CADPS2: variants seen among roughly 807,000 people sequenced by gnomAD.
The protein encoded by CADPS2 is calcium-dependent secretion activator 2.
A neutral mutation model predicts 172.5 loss-of-function variants in CADPS2; 93 were observed. The observed-to-expected ratio is 0.54, with a 90% CI of 0.46 to 0.64. The LOEUF (loss-of-function observed/expected upper bound fraction) is 0.64. Ranked by LOEUF, CADPS2 falls within the 30% of genes least tolerant of loss-of-function variation. The pLI is 0.00. For missense variants in CADPS2, 1,420 were observed against 1,565.9 expected, an observed-to-expected ratio of 0.91 and a Z score of 1.57; for synonymous variants, 546 against 555.2, an observed-to-expected ratio of 0.98 and a Z score of 0.23.
chr7:122,408,214 G>T, intron 19 of CADPS2, among the ~76,000 whole-genome samples: 1 of 150,444 alleles, frequency 6.6e-6, no homozygotes, highest in African/African-American at 2.4e-5. Context: ...CTATTAAAAT[G>T]GCTGTTTTCA....
intron 7 of CADPS2, among the ~76,000 whole-genome samples, chr7:122,564,583 A>G (rs1014968603): frequency 4.6e-5 from 7 of 152,144 alleles, no homozygotes; most frequent in Admixed American, 4.6e-4. Context: ...CTGGGATTAC[A>G]GGTGTGAGCC....
chr7:122,374,034 C>T (rs1416840211), intron 25 of CADPS2, among the ~76,000 whole-genome samples: 3 of 152,072 alleles, frequency 2.0e-5, no homozygotes, highest in African/African-American at 7.2e-5. Flanking sequence ...TTCAACAGCA[C>T]ATTAAAAAAT....
At chr7:122,722,839 T>G (rs556180328) in intron 2 of CADPS2, among the ~76,000 whole-genome samples, 1 of 151,558 alleles carries the variant, frequency 6.6e-6, no homozygotes, top group South Asian at 2.1e-4. Flanking sequence ...GAGATATAGA[T>G]CAATGGAACA....
intron 1 of CADPS2, among the ~76,000 whole-genome samples, chr7:122,753,538 T>G (rs750824481): frequency 7.2e-5 from 11 of 152,172 alleles, no homozygotes; most frequent in Non-Finnish European, 1.2e-4. Context: ...AAACCTAACC[T>G]TAAATAATGG....
chr7:122,513,992 T>C lies in CADPS2; in HGVS notation c.1476-677A>G, dbSNP rs561526474. On this transcript the variant is annotated intron_variant, in intron 8 of 29. Coordinates refer to ENST00000449022, the MANE Select transcript of CADPS2 (RefSeq NM_017954.11). ...ACCATGGCTTTTCTTCAACTTTGCA[T>C]TGACCTTAGTAAGCTGAATTGAAAT... Among the ~76,000 whole-genome samples, 10 of 152,296 alleles carry C rather than the reference T, an allele frequency of 6.6e-5. No homozygotes were observed. The South Asian group carries it at 1.0e-3, about 16-fold the overall frequency.
chr7:122,525,564 T>C (rs532614591), intron 8 of CADPS2, among the ~76,000 whole-genome samples: 54 of 152,166 alleles, frequency 3.5e-4, no homozygotes, highest in Non-Finnish European at 6.5e-4. Context: ...TTGGCTTCAG[T>C]GTCTCAGTCC....
intron 1 of CADPS2, among the ~76,000 whole-genome samples, chr7:122,830,672 GAACA>G (rs1206480018): frequency 6.6e-6 from 1 of 152,122 alleles, no homozygotes; most frequent in Non-Finnish European, 1.5e-5. Flanking sequence ...GTTATTCTGA[GAACA>G]AACATGAAAA....
intron 1 of CADPS2, among the ~76,000 whole-genome samples, chr7:122,822,213 G>C (rs948604533): frequency 6.6e-6 from 1 of 151,490 alleles, no homozygotes; most frequent in Non-Finnish European, 1.5e-5. Context: ...CAGATATCCT[G>C]AGTCGTCCCA....
intron 28 of CADPS2, among the ~76,000 whole-genome samples, chr7:122,328,930 G>T (rs974784482): frequency 1.3e-5 from 2 of 152,100 alleles, no homozygotes; most frequent in Non-Finnish European, 2.9e-5. Flanking sequence ...TTTAAGGTGA[G>T]GTTTTCAAAC....
At chr7:122,321,037 C>A (rs893130718) in intron 29 of CADPS2, among the ~76,000 whole-genome samples, 3 of 152,114 alleles carry the variant, frequency 2.0e-5, no homozygotes, top group Admixed American at 1.3e-4. Context: ...TATTATGTAT[C>A]AAAAATAGAG....
At chr7:122,441,674 G>A in intron 15 of CADPS2, 99 bp from the exon 16 acceptor site, 1 of 669,244 alleles carries the variant, frequency 1.5e-6, no homozygotes, top group South Asian at 2.8e-5. Context: ...GAAGAACCAT[G>A]AAACAAACAG....
At position 122,569,109 on chromosome 7, in the gene CADPS2, C is replaced by T. The variant is rs567090213; in HGVS notation, c.1335+12070G>A. Among the ~76,000 whole-genome samples the T allele has an allele frequency of 2.2e-3, 330 of 152,244 alleles. 1 individual carries two copies. Among genetic ancestry groups the T allele is most frequent in the African/African-American group, 7.6e-3 (317 of 41,538 alleles). On this transcript the variant is annotated intron_variant, in intron 7 of 29. Coordinates refer to ENST00000449022, the MANE Select transcript of CADPS2 (RefSeq NM_017954.11). Reference sequence around the variant, plus strand: ...TCAAATTGTCCCTGTTTGCAGACGACATGATTGTATATCTAGAAAACCCCA... The same window carrying T: ...TCAAATTGTCCCTGTTTGCAGACGATATGATTGTATATCTAGAAAACCCCA...
At chr7:122,468,870 T>C (rs1207331546) in intron 14 of CADPS2, among the ~76,000 whole-genome samples, 1 of 152,174 alleles carries the variant, frequency 6.6e-6, no homozygotes, top group Non-Finnish European at 1.5e-5. Flanking sequence ...AGGCTCAAAT[T>C]TCCCTCAACC....
At chr7:122,833,972 G>C (rs1279375590) in intron 1 of CADPS2, among the ~76,000 whole-genome samples, 1 of 152,154 alleles carries the variant, frequency 6.6e-6, no homozygotes, top group Non-Finnish European at 1.5e-5. Flanking sequence ...AAAGGTTTTA[G>C]ATGAGAAACA....
intron 8 of CADPS2, among the ~76,000 whole-genome samples, chr7:122,516,856 T>C: frequency 6.6e-6 from 1 of 152,118 alleles, no homozygotes; most frequent in Non-Finnish European, 1.5e-5. Flanking sequence ...TTTCTATAAT[T>C]CCACAATGTC....
chr7:122,623,924 T>C (rs977035173), intron 4 of CADPS2, among the ~76,000 whole-genome samples: 1 of 152,164 alleles, frequency 6.6e-6, no homozygotes, highest in Non-Finnish European at 1.5e-5. Flanking sequence ...ACAAAAATAA[T>C]CTATTTGTAT....
chr7:122,575,204 T>G (rs2132651078), intron 7 of CADPS2, among the ~76,000 whole-genome samples: 1 of 151,724 alleles, frequency 6.6e-6, no homozygotes, highest in African/African-American at 2.4e-5. Context: ...TGGGAGCATC[T>G]AAAATAAAGG....
At chr7:122,791,888 T>C (rs1795364503) in intron 1 of CADPS2, among the ~76,000 whole-genome samples, 1 of 152,212 alleles carries the variant, frequency 6.6e-6, no homozygotes, top group Non-Finnish European at 1.5e-5. Context: ...AGGAATCCAA[T>C]TATTTTGAAA....
At chr7:122,416,434 C>T (rs2047929964) in intron 17 of CADPS2, among the ~76,000 whole-genome samples, 1 of 152,112 alleles carries the variant, frequency 6.6e-6, no homozygotes, top group East Asian at 1.9e-4. Flanking sequence ...CTGCAACAAA[C>T]AAGTTATAAT....
Sources: allele counts gnomAD v4.1 joint callset (sites outside exome capture counted in the v4.1 genomes callset), GRCh38; gene constraint gnomAD v4.1.1; transcripts MANE v1.5; gene names NCBI Gene and HGNC (gene_info 2026-07-23, HGNC 2026-07-21).